ACO1: variants seen among roughly 807,000 people sequenced by gnomAD.
The protein encoded by ACO1 is aconitase 1.
In ACO1, 78 loss-of-function variants were observed where a neutral mutation model predicts 105.1. The ratio of observed to expected loss-of-function variants is 0.74; its 90% confidence interval spans 0.62 to 0.90. ACO1 has a LOEUF of 0.90. Among genes scored for constraint, ACO1 ranks in the 40% least tolerant of loss-of-function variants. The pLI, the probability that ACO1 is intolerant of heterozygous loss-of-function variation, is 0.00. For synonymous variants in ACO1, 364 were observed against 397.4 expected (o/e 0.92, Z 1.00); for missense variants, 965 against 1,111.1 (o/e 0.87, Z 1.87).
intron 1 of ACO1, among the ~76,000 whole-genome samples, chr9:32,393,051 T>C (rs1014197780): frequency 6.6e-6 from 1 of 152,192 alleles, no homozygotes; most frequent in Non-Finnish European, 1.5e-5. Flanking sequence ...AAATTGTTTG[T>C]AGAGCATGTG....
intron 19 of ACO1, among the ~76,000 whole-genome samples, chr9:32,442,497 C>T (rs1822503884): frequency 6.6e-6 from 1 of 152,048 alleles, no homozygotes; most frequent in African/African-American, 2.4e-5. Flanking sequence ...GAGTACCATC[C>T]TTTATTGCTG....
intron 8 of ACO1, among the ~76,000 whole-genome samples, chr9:32,422,304 A>G (rs1216961111): frequency 2.0e-5 from 3 of 152,176 alleles, no homozygotes; most frequent in Non-Finnish European, 4.4e-5. Flanking sequence ...AGTAAACCCT[A>G]AGAAAGATTT....
intron 1 of ACO1, among the ~76,000 whole-genome samples, chr9:32,404,495 T>C (rs1168063931): frequency 7.2e-5 from 11 of 152,180 alleles, no homozygotes; most frequent in Non-Finnish European, 2.9e-5. Context: ...CAAGAATTCA[T>C]ATAAAAATCT....
chr9:32,445,904 A>C (rs912296950), intron 19 of ACO1: 1 of 152,230 alleles, frequency 6.6e-6, no homozygotes, highest in African/African-American at 2.4e-5. Context: ...TTCAGTTTCC[A>C]TGTAGTTGTG....
rs1822779229 is a variant in ACO1, at chr9:32,452,057, T to G, written c.*1946T>G. 1.5e-5 allele frequency: 2 copies of G among 133,100 alleles called. No homozygotes were observed. Among genetic ancestry groups the G allele is most frequent in the African/African-American group, 2.8e-5 (1 of 35,996 alleles). 8.2% of individuals were successfully genotyped at this position (133,100 alleles called of 1,614,324 possible). On this transcript the variant is annotated 3_prime_UTR_variant, in exon 21 of 21. Transcript: ENST00000309951. ...CCCGCCTGGGCTACAAGAGCAAAGC[T>G]CCGTCTCAAAAAAAAAAAAAAATTA...
intron 14 of ACO1, among the ~76,000 whole-genome samples, chr9:32,431,369 G>A (rs1822231349): frequency 6.6e-6 from 1 of 152,146 alleles, no homozygotes. Flanking sequence ...AATGGTCCTT[G>A]AGCATAGTCC....
chr9:32,439,766 C>G lies in ACO1; in HGVS notation c.2248-699C>G, dbSNP rs552717363. On this transcript the variant is annotated intron_variant, in intron 18 of 20. Transcript: ENST00000309951. The surrounding 1 kb of genome is among the most constrained non-coding windows in gnomAD (Gnocchi z 4.0). ...CCTTCTTTGTGTTTTGCTAATTTTA[C>G]AACTGACATCACCGAGTTTCTGATA... Among the ~76,000 whole-genome samples, 7 of 152,296 alleles carry G rather than the reference C, an allele frequency of 4.6e-5. No individual in the cohort carries two copies. Among genetic ancestry groups the G allele is most frequent in the African/African-American group, 1.7e-4 (7 of 41,578 alleles).
intron 1 of ACO1, among the ~76,000 whole-genome samples, chr9:32,389,962 C>T (rs1229004954): frequency 1.3e-5 from 2 of 151,986 alleles, no homozygotes; most frequent in South Asian, 2.1e-4. Context: ...CACGCCCAGC[C>T]GATTTTTGTA....
At chr9:32,395,037 T>C (rs919017589) in intron 1 of ACO1, among the ~76,000 whole-genome samples, 2 of 152,242 alleles carry the variant, frequency 1.3e-5, no homozygotes, top group African/African-American at 4.8e-5. Context: ...GTTAGAAAAG[T>C]TCATTGCCAC....
At chr9:32,424,853 T>A (rs1822052040) in intron 10 of ACO1, among the ~76,000 whole-genome samples, 188 bp downstream of exon 10, 1 of 152,240 alleles carries the variant, frequency 6.6e-6, no homozygotes, top group African/African-American at 2.4e-5. Context: ...AGAGCCATCA[T>A]AGACACAACT....
At chr9:32,415,139 G>A (rs968704621) in intron 4 of ACO1, among the ~76,000 whole-genome samples, 1 of 152,190 alleles carries the variant, frequency 6.6e-6, no homozygotes, top group East Asian at 1.9e-4. Flanking sequence ...TGTAGCTGAA[G>A]CTGAGAGCTT....
At chr9:32,405,272 C>T (rs1408000769) in intron 1 of ACO1, among the ~76,000 whole-genome samples, 2 of 152,212 alleles carry the variant, frequency 1.3e-5, no homozygotes, top group Admixed American at 6.5e-5. Context: ...CCCAAAACTA[C>T]CTCGTACCTA....
At chr9:32,436,142 G>A in intron 17 of ACO1, 108 bp from the exon 18 acceptor site, 1 of 1,428,396 alleles carries the variant, frequency 7.0e-7, no homozygotes, top group Non-Finnish European at 9.8e-7. Context: ...TAGAGAAATA[G>A]CCAGGTCTAT....
At chr9:32,406,126 G>A (rs991461675) in intron 2 of ACO1, among the ~76,000 whole-genome samples, 2 of 150,658 alleles carry the variant, frequency 1.3e-5, no homozygotes, top group African/African-American at 5.0e-5. Flanking sequence ...AATTAATATT[G>A]TTTTATTTTA....
intron 19 of ACO1, among the ~76,000 whole-genome samples, chr9:32,441,395 A>G (rs910032205): frequency 6.6e-6 from 1 of 152,166 alleles, no homozygotes; most frequent in Non-Finnish European, 1.5e-5. Flanking sequence ...TGGCTCGCAA[A>G]TTAATGCACC....
Position 32,450,212 on chromosome 9 carries a change from G to GCCTTGTA in ACO1, c.*102_*108dup, listed in dbSNP as rs758822403. The GCCTTGTA allele has an allele frequency of 1.1e-6, 1 of 904,116 alleles. No homozygotes were observed. The highest frequency in any genetic ancestry group is 1.9e-6 in the Non-Finnish European group (1 of 536,818). The allele number at this position is 904,116 out of a possible 1,614,324, so 56.0% of individuals were successfully genotyped here. A position where few individuals can be genotyped will look rare whatever the true frequency, so the allele number is the denominator to read the frequency against. ...CCTGGCTGCCTCTGGGAGGGGTGCTGCCTTGTAGATGGAGCAAGTGAGCAC... is the reference window on the plus strand; with the variant it reads ...CCTGGCTGCCTCTGGGAGGGGTGCTGCCTTGTACCTTGTAGATGGAGCAAGTGAGCAC... On this transcript the variant is annotated 3_prime_UTR_variant, in exon 21 of 21. Transcript: ENST00000309951.
chr9:32,430,509 C>T lies in ACO1; in HGVS notation c.1661C>T (p.Pro554Leu). 1 of 1,611,512 alleles carries T rather than the reference C, an allele frequency of 6.2e-7. No individual in the cohort carries two copies. The highest frequency in any genetic ancestry group is 2.2e-5 in the East Asian group (1 of 44,692). ...ACCCGGGCCAACTATTTAGCCTCTCCCCCCTTAGTAATAGCATATGCAATT... is the reference window on the plus strand; with the variant it reads ...ACCCGGGCCAACTATTTAGCCTCTCTCCCCTTAGTAATAGCATATGCAATT... ...PNTRANYLASPPLVIAYAIAG... is the reference protein window; with the variant it reads ...PNTRANYLASLPLVIAYAIAG... Residue 554 changes from proline (P) to leucine (L), a missense_variant, in exon 14 of 21, where the codon CCC becomes CTC. Coordinates refer to ENST00000309951, the MANE Select transcript of ACO1 (RefSeq NM_002197.3).
At chr9:32,413,924 G>A (rs1821795616) in intron 4 of ACO1, among the ~76,000 whole-genome samples, 1 of 151,886 alleles carries the variant, frequency 6.6e-6, no homozygotes, top group South Asian at 2.1e-4. Context: ...CTGAGGCAGG[G>A]GGATCATGAG....
At position 32,451,434 on chromosome 9, in the gene ACO1, T is replaced by A. The variant is rs1035891224; in HGVS notation, c.*1323T>A. 1.2e-4 allele frequency: 18 copies of A among 152,264 alleles called. No homozygotes were observed. Among genetic ancestry groups the A allele is most frequent in the African/African-American group, 4.3e-4 (18 of 41,544 alleles). 9.4% of individuals were successfully genotyped at this position (152,264 alleles called of 1,614,324 possible). ...ATTGTATTGGATCAGGGTCCCACTC[T>A]TATGGAGACCCAGGAAAGCTGGTGG... On this transcript the variant is annotated 3_prime_UTR_variant, in exon 21 of 21. Transcript: ENST00000309951.
Sources: gnomAD v4.1 joint callset for allele counts (sites outside exome capture counted in the v4.1 genomes callset) on GRCh38, gnomAD v4.1.1 for gene constraint, Gnocchi (gnomAD v3.1) non-coding constraint, MANE v1.5 for transcripts, NCBI Gene and HGNC (gene_info 2026-07-23, HGNC 2026-07-21) for gene names.